CSMD2: variants seen among roughly 807,000 people sequenced by gnomAD.
CSMD2 encodes the protein CUB and sushi domain-containing protein 2.
Under a neutral mutation model 398.5 loss-of-function variants are expected in CSMD2, and 130 were observed. The observed-to-expected ratio is 0.33, with a 90% CI of 0.28 to 0.38. CSMD2 has a LOEUF of 0.38. Among genes scored for constraint, CSMD2 ranks in the 10% least tolerant of loss-of-function variants. CSMD2 has a pLI of 1.00. For missense variants in CSMD2, 3,829 were observed against 4,764.9 expected (o/e 0.80, Z 5.78); for synonymous variants, 1,828 against 1,908.5 (o/e 0.96, Z 1.10).
intron 3 of CSMD2, among the ~76,000 whole-genome samples, chr1:33,942,782 T>G (rs1644718000): frequency 6.6e-6 from 1 of 152,234 alleles, no homozygotes; most frequent in Admixed American, 6.5e-5. Context: ...CTCTCTGAGC[T>G]TTAACTGCTC....
chr1:33,646,481 A>G (rs997471711), intron 29 of CSMD2, among the ~76,000 whole-genome samples, 167 bp downstream of exon 29: 2 of 136,286 alleles, frequency 1.5e-5, no homozygotes, highest in Non-Finnish European at 3.4e-5. Context: ...GACTAAGCCC[A>G]GATGGGGGCC....
At chr1:34,008,104 C>T (rs1647116398) in intron 3 of CSMD2, among the ~76,000 whole-genome samples, 1 of 152,194 alleles carries the variant, frequency 6.6e-6, no homozygotes, top group Admixed American at 6.5e-5. Flanking sequence ...GCTGTCAATT[C>T]TCTGCACTCA....
rs548867165 is a variant in CSMD2, at chr1:34,019,907, A to G, written c.517+12687T>C. 9.9e-5 allele frequency among the ~76,000 whole-genome samples: 15 copies of G among 152,216 alleles called. No individual in the cohort carries two copies. In the Middle Eastern group the frequency reaches 0.01, roughly 104 times the overall value. ...GCTCTTTCTTCTGGTCTTTGATTCC[A>G]TTCATTCACCAAATATTTACTGAGT... On this transcript the variant is annotated intron_variant, in intron 3 of 70. Coordinates refer to ENST00000373381, the MANE Select transcript of CSMD2 (RefSeq NM_001281956.2).
At chr1:33,724,495 C>T (rs200597732) in intron 18 of CSMD2, 21 bp downstream of exon 18, 135 of 1,606,430 alleles carry the variant, frequency 8.4e-5, no homozygotes, top group Non-Finnish European at 1.1e-4. Flanking sequence ...TACTTTAGCG[C>T]CCCCTCATGG....
intron 5 of CSMD2, among the ~76,000 whole-genome samples, chr1:33,908,508 C>T (rs754307681): frequency 2.0e-5 from 3 of 152,262 alleles, no homozygotes; most frequent in Non-Finnish European, 4.4e-5. Context: ...GCACTTAGTA[C>T]AAACCTGTTG....
rs1641497704 is a variant in CSMD2, at chr1:34,163,023, T to C, written c.187+1888A>G. Reference sequence around the variant, plus strand: ...GGAGCTGCGAGCAAATGGATCTCTATAGGGCAGGATTCCAGCACCGCTGAG... The same window carrying C: ...GGAGCTGCGAGCAAATGGATCTCTACAGGGCAGGATTCCAGCACCGCTGAG... On this transcript the variant is annotated intron_variant, in intron 1 of 70. Coordinates refer to ENST00000373381, the MANE Select transcript of CSMD2 (RefSeq NM_001281956.2). This position sits in a 1 kb window ranked among gnomAD's most constrained non-coding sequence, Gnocchi z 5.4. Among the ~76,000 whole-genome samples the C allele has an allele frequency of 6.6e-6, 1 of 152,188 alleles. No homozygotes were observed. Among genetic ancestry groups the C allele is most frequent in the African/African-American group, 2.4e-5 (1 of 41,460 alleles).
chr1:33,977,417 C>T (rs1213759968), intron 3 of CSMD2, among the ~76,000 whole-genome samples: 1 of 152,050 alleles, frequency 6.6e-6, no homozygotes, highest in Non-Finnish European at 1.5e-5. Flanking sequence ...GCAGGAGATT[C>T]AACCCCATGA....
intron 26 of CSMD2, among the ~76,000 whole-genome samples, chr1:33,659,199 G>A (rs981166965): frequency 6.6e-6 from 1 of 152,162 alleles, no homozygotes; most frequent in East Asian, 1.9e-4. Flanking sequence ...TTTTATAAGC[G>A]AATACTGAAT....
intron 2 of CSMD2, among the ~76,000 whole-genome samples, chr1:34,062,600 G>A (rs1359799555): frequency 6.6e-6 from 1 of 152,216 alleles, no homozygotes; most frequent in Non-Finnish European, 1.5e-5. Flanking sequence ...ATCCCAAGGT[G>A]AGGGTCCATC....
intron 44 of CSMD2, among the ~76,000 whole-genome samples, chr1:33,589,980 T>C (rs1042700561): frequency 1.3e-5 from 2 of 152,186 alleles, no homozygotes; most frequent in African/African-American, 4.8e-5. Flanking sequence ...CTCAGTGTCA[T>C]ACTTATCTTC....
In CSMD2 at chr1:33,636,339, C is replaced by G; in HGVS notation, c.4969+21G>C. 1 of 1,568,904 alleles carries G rather than the reference C, an allele frequency of 6.4e-7. No individual in the cohort carries two copies. The highest frequency in any genetic ancestry group is 1.4e-5 in the African/African-American group (1 of 73,944). ...ATGCCCTCAGTTCCTCAGACCCCTGCCATCCCCAGGCTTCCACCACCTGTG... is the reference window on the plus strand; with the variant it reads ...ATGCCCTCAGTTCCTCAGACCCCTGGCATCCCCAGGCTTCCACCACCTGTG... On this transcript the variant is annotated intron_variant, in intron 30 of 70. Transcript: ENST00000373381. This position sits in a 1 kb window ranked among gnomAD's most constrained non-coding sequence, Gnocchi z 4.8.
intron 1 of CSMD2, among the ~76,000 whole-genome samples, chr1:34,111,978 CA>C (rs1661127517): frequency 6.8e-6 from 1 of 147,240 alleles, no homozygotes; most frequent in Non-Finnish European, 1.5e-5. Flanking sequence ...TAAATTCTTT[CA>C]AATTCTCTCT....
At chr1:33,634,734 C>A (rs1272388853) in intron 31 of CSMD2, among the ~76,000 whole-genome samples, 1 of 152,158 alleles carries the variant, frequency 6.6e-6, no homozygotes, top group African/African-American at 2.4e-5. Context: ...CTTGTCCTAC[C>A]TATAGCTTCT....
At position 34,014,197 on chromosome 1, in the gene CSMD2, CTGCATTA is replaced by C. The variant is rs1318317540; in HGVS notation, c.517+18390_517+18396del. ...GCCCCCTGGCTTCTCACCTGCATTGCTGCATTAGACTCCGGGCCAGTCTCCCTGTTCC... is the reference window on the plus strand; with the variant it reads ...GCCCCCTGGCTTCTCACCTGCATTGCGACTCCGGGCCAGTCTCCCTGTTCC... On this transcript the variant is annotated intron_variant, in intron 3 of 70. Transcript: ENST00000373381. Among the ~76,000 whole-genome samples the C allele has an allele frequency of 4.6e-5, 7 of 152,354 alleles. No homozygotes were observed. The East Asian group carries it at 1.4e-3, about 29-fold the overall frequency.
chr1:33,790,160 G>C (rs1484992721), intron 11 of CSMD2, among the ~76,000 whole-genome samples: 2 of 152,198 alleles, frequency 1.3e-5, no homozygotes, highest in African/African-American at 4.8e-5. Context: ...GAAAATGAGT[G>C]ATGGGGATGC....
intron 3 of CSMD2, among the ~76,000 whole-genome samples, chr1:33,937,651 G>A (rs190691342): frequency 6.6e-6 from 1 of 152,232 alleles, no homozygotes; most frequent in African/African-American, 2.4e-5. Context: ...GCTCAGTGTA[G>A]AGGGTAATGG....
At chr1:34,005,751 GTCTT>G (rs1647035492) in intron 3 of CSMD2, among the ~76,000 whole-genome samples, 1 of 152,202 alleles carries the variant, frequency 6.6e-6, no homozygotes, top group Admixed American at 6.5e-5. Flanking sequence ...GAGCTCAAGA[GTCTT>G]TCTTCCATGG....
At position 33,569,371 on chromosome 1, in the gene CSMD2, T is replaced by C. The variant is rs770703068; in HGVS notation, c.8131+3A>G. ...GCAGGATAGGCCTGCAGAGGTCACT[T>C]ACCAAGGCAGCGGACTTCAGAGCCA... On this transcript the variant is annotated splice_donor_region_variant and intron_variant, in intron 52 of 70. Coordinates refer to ENST00000373381, the MANE Select transcript of CSMD2 (RefSeq NM_001281956.2). 3.1e-6 allele frequency: 5 copies of C among 1,612,590 alleles called. No individual in the cohort carries two copies. Among genetic ancestry groups the C allele is most frequent in the Non-Finnish European group, 4.2e-6 (5 of 1,179,368 alleles).
rs1645920601 is a variant in CSMD2 at position 33,975,383 on chromosome 1, TG to T, written c.518-39430del. On this transcript the variant is annotated intron_variant, in intron 3 of 70. Transcript: ENST00000373381. ...TCTTCACTGCTATATCCCCAGTGCC[TG>T]GAACAGTATCAGGGACATAATACAC... 2.6e-5 allele frequency among the ~76,000 whole-genome samples: 4 copies of T among 152,196 alleles called. No homozygotes were observed. The East Asian group carries it at 7.7e-4, about 29-fold the overall frequency.
Sources: gnomAD v4.1 joint callset for allele counts (sites outside exome capture counted in the v4.1 genomes callset) on GRCh38, gnomAD v4.1.1 for gene constraint, Gnocchi (gnomAD v3.1) non-coding constraint, MANE v1.5 for transcripts, NCBI Gene and HGNC (gene_info 2026-07-23, HGNC 2026-07-21) for gene names.